Variants in MEF2C observed in about 807,000 individuals in gnomAD.
MEF2C encodes myocyte-specific enhancer factor 2C.
In MEF2C, 6 loss-of-function variants were observed where a neutral mutation model predicts 50.5. The ratio of observed to expected loss-of-function variants is 0.12; its 90% CI spans 0.07 to 0.23. The LOEUF (loss-of-function observed/expected upper bound fraction) is 0.23. Ranked by LOEUF, MEF2C falls within the 10% of genes least tolerant of loss-of-function variation. The probability of loss-of-function intolerance (pLI) is 1.00; values close to 1 mark genes in which losing one functional copy is unlikely to be tolerated. For missense variants in MEF2C, 276 were observed against 605.0 expected (o/e 0.46, Z 5.70); for synonymous variants, 183 against 228.0 (o/e 0.80, Z 1.78).
intron 3 of MEF2C, among the ~76,000 whole-genome samples, chr5:88,782,561 G>A (rs558943001): frequency 9.9e-5 from 15 of 152,258 alleles, no homozygotes; most frequent in African/African-American, 3.6e-4. Context: ...TACACTGTAT[G>A]TGATAAATAG....
At chr5:88,771,171 C>G (rs553132762) in intron 3 of MEF2C, among the ~76,000 whole-genome samples, 10 of 152,334 alleles carry the variant, frequency 6.6e-5, no homozygotes, top group Middle Eastern at 3.4e-3. Context: ...CCACTGGGTC[C>G]CTCCCATGAC....
At chr5:88,870,245 G>T (rs192628666) in intron 1 of MEF2C, among the ~76,000 whole-genome samples, 6 of 151,806 alleles carry the variant, frequency 4.0e-5, no homozygotes, top group Admixed American at 3.3e-4. Context: ...ATTTTTAATG[G>T]AAAGTAAATA....
At position 88,828,441 on chromosome 5, in the gene MEF2C, A is replaced by G. The variant is rs116548182; in HGVS notation, c.-142-4511T>C. The stretch of plus-strand genomic sequence containing the variant: ...TCATATTAGCAGATCTTTTTGATTG[A>G]CTTACATTTTCACTAACACTAGTAT... On this transcript the variant is annotated intron_variant, in intron 1 of 10. Coordinates refer to ENST00000504921, the MANE Select transcript of MEF2C (RefSeq NM_002397.5). Among the ~76,000 whole-genome samples, 1,181 of 152,042 alleles carry G rather than the reference A, an allele frequency of 7.8e-3. 15 individuals carry two copies. The highest frequency in any genetic ancestry group is 0.026 in the African/African-American group (1,084 of 41,526).
At position 88,719,656 on chromosome 5, in the gene MEF2C, A is replaced by G. The variant is rs1330690873; in HGVS notation, c.*2948T>C. The G allele has an allele frequency of 6.6e-6, 1 of 152,232 alleles. No homozygotes were observed. The highest frequency in any genetic ancestry group is 2.4e-5 in the African/African-American group (1 of 41,480). The allele number at this position is 152,232 out of a possible 1,614,324, so 9.4% of individuals were successfully genotyped here. A position where few individuals can be genotyped will look rare whatever the true frequency, so the allele number is the denominator to read the frequency against. On this transcript the variant is annotated 3_prime_UTR_variant, in exon 11 of 11. Transcript: ENST00000504921. The stretch of plus-strand genomic sequence containing the variant: ...AAACCATACTAGCTTTGCAAATACA[A>G]TAAATGGTAAATTACAGATAAGGTA...
chr5:88,740,222 C>T, intron 6 of MEF2C: 1 of 964,924 alleles, frequency 1.0e-6, no homozygotes, highest in Non-Finnish European at 1.2e-6. Flanking sequence ...GTGTTTTGTT[C>T]AGCGATTTTG....
intron 10 of MEF2C, among the ~76,000 whole-genome samples, chr5:88,724,337 G>A (rs1179327343): frequency 6.6e-6 from 1 of 152,064 alleles, no homozygotes; most frequent in Admixed American, 6.6e-5. Context: ...AACTCAAGAT[G>A]TATAGTGATA....
intron 2 of MEF2C, among the ~76,000 whole-genome samples, chr5:88,813,746 A>C (rs1336055788): frequency 6.6e-6 from 1 of 152,080 alleles, no homozygotes. Flanking sequence ...TGCTCAATGA[A>C]TGGATAATTT....
rs10554644 is a variant in MEF2C, at chr5:88,820,075, T to TTA, written c.54+3658_54+3659dup. ...ACTTATTAATAAAAATTATTTGTAA[T>TTA]TATATATATATATATAGTTCTTGGC... On this transcript the variant is annotated intron_variant, in intron 2 of 10. Coordinates refer to ENST00000504921, the MANE Select transcript of MEF2C (RefSeq NM_002397.5). Among the ~76,000 whole-genome samples, 126 of 150,376 alleles carry TTA rather than the reference T, an allele frequency of 8.4e-4. No individual in the cohort carries two copies. In the Middle Eastern group the frequency reaches 0.01, roughly 13 times the overall value.
chr5:88,822,917 G>A (rs897953719), intron 2 of MEF2C, among the ~76,000 whole-genome samples: 3 of 152,066 alleles, frequency 2.0e-5, no homozygotes, highest in Non-Finnish European at 2.9e-5. Context: ...ACCATTATTT[G>A]ATATTTAACG....
At chr5:88,787,154 C>T (rs963009512) in intron 3 of MEF2C, among the ~76,000 whole-genome samples, 23 of 152,188 alleles carry the variant, frequency 1.5e-4, no homozygotes, top group African/African-American at 4.1e-4. Flanking sequence ...AAAATCAATT[C>T]GTTGACCTTT....
chr5:88,747,333 CTT>C (rs950842424), intron 6 of MEF2C, among the ~76,000 whole-genome samples: 2 of 21,744 alleles, frequency 9.2e-5, no homozygotes, highest in Non-Finnish European at 1.1e-4. Context: ...TTTTTTACTA[CTT>C]TTTTTTTTTT....
chr5:88,782,155 A>G, intron 3 of MEF2C: 1 of 981,798 alleles, frequency 1.0e-6, no homozygotes. Context: ...TTTACTGTAA[A>G]GAAGCTTATA....
At chr5:88,861,546 G>GA (rs1267069346) in intron 1 of MEF2C, among the ~76,000 whole-genome samples, 5 of 151,356 alleles carry the variant, frequency 3.3e-5, no homozygotes, top group South Asian at 4.2e-4. Context: ...CGAAGTGAGA[G>GA]AAAAAAAAAT....
intron 1 of MEF2C, among the ~76,000 whole-genome samples, chr5:88,864,290 C>T (rs1011599490): frequency 6.6e-6 from 1 of 151,418 alleles, no homozygotes; most frequent in African/African-American, 2.4e-5. Context: ...GTGGAAATAT[C>T]ACATGTACCC....
At chr5:88,752,070 G>C (rs912822893) in intron 4 of MEF2C, 27 bp from the exon 5 acceptor site, 2 of 1,562,604 alleles carry the variant, frequency 1.3e-6, no homozygotes, top group African/African-American at 1.4e-5. Flanking sequence ...CAAAACAAAG[G>C]TAAAAGAAAA....
intron 6 of MEF2C, chr5:88,748,016 C>G (rs1448583360): frequency 1.0e-6 from 1 of 971,136 alleles, no homozygotes; most frequent in East Asian, 1.1e-4. Context: ...AAATAGGAAG[C>G]TAGTGTTATT....
At chr5:88,892,534 A>G (rs1834702768) in intron 1 of MEF2C, among the ~76,000 whole-genome samples, 1 of 152,216 alleles carries the variant, frequency 6.6e-6, no homozygotes, top group African/African-American at 2.4e-5. Flanking sequence ...AGAAAGAAGT[A>G]GGTCATCCGA....
chr5:88,832,561 G>GAAATGACTGATTAAAAACAGCCTCATAT (rs1813481133), intron 1 of MEF2C, among the ~76,000 whole-genome samples: 1 of 152,060 alleles, frequency 6.6e-6, no homozygotes. Flanking sequence ...CTACTCCAGG[G>GAAATGACTGATTAAAAACAGCCTCATAT]AAATGACTGA....
At chr5:88,830,770 G>C (rs1293342564) in intron 1 of MEF2C, among the ~76,000 whole-genome samples, 1 of 152,054 alleles carries the variant, frequency 6.6e-6, no homozygotes, top group Non-Finnish European at 1.5e-5. Flanking sequence ...AAAGGCCTCT[G>C]AGTGATGTGG....
Sources: gnomAD v4.1 joint callset for allele counts (sites outside exome capture counted in the v4.1 genomes callset) on GRCh38, gnomAD v4.1.1 for gene constraint, MANE v1.5 for transcripts, NCBI Gene and HGNC (gene_info 2026-07-23, HGNC 2026-07-21) for gene names.